Variants in GAS7 observed in about 807,000 individuals in gnomAD.
The protein encoded by GAS7 is growth arrest specific 7.
A neutral mutation model predicts 71.1 loss-of-function variants in GAS7; 28 were observed. The ratio of observed to expected loss-of-function variants is 0.39; its 90% CI spans 0.29 to 0.54. The LOEUF (loss-of-function observed/expected upper bound fraction) is 0.54. GAS7 is among the 20% of genes least tolerant of loss of function. The pLI is 0.62. For synonymous variants in GAS7, 258 were observed against 245.8 expected, an observed-to-expected ratio of 1.05 and a Z score of -0.46; for missense variants, 436 against 627.8, an observed-to-expected ratio of 0.69 and a Z score of 3.27.
At chr17:10,131,900 G>A (rs1412239501) in intron 1 of GAS7, among the ~76,000 whole-genome samples, 1 of 152,060 alleles carries the variant, frequency 6.6e-6, no homozygotes, top group Non-Finnish European at 1.5e-5. Flanking sequence ...ATGAAAACAT[G>A]TAGTCATAAA....
At chr17:10,112,391 G>A (rs2073821702) in intron 1 of GAS7, among the ~76,000 whole-genome samples, 1 of 152,196 alleles carries the variant, frequency 6.6e-6, no homozygotes. Context: ...AGGGCAGATG[G>A]AGATGAGAGA....
intron 7 of GAS7, 91 bp downstream of exon 7, chr17:9,943,030 A>G: frequency 1.3e-6 from 1 of 785,456 alleles, no homozygotes; most frequent in East Asian, 2.4e-5. Flanking sequence ...AGTGTGCAGT[A>G]CTGAGTCCTG....
At chr17:9,917,962 C>T in intron 13 of GAS7, 39 bp downstream of exon 13, 1 of 1,438,224 alleles carries the variant, frequency 7.0e-7, no homozygotes. Flanking sequence ...CTCCCCAGGC[C>T]CCGTGTCGCC....
chr17:9,990,788 G>C (rs979881689), intron 2 of GAS7, among the ~76,000 whole-genome samples: 2 of 152,164 alleles, frequency 1.3e-5, no homozygotes, highest in African/African-American at 4.8e-5. Flanking sequence ...TCAAAGTATG[G>C]TTCCCGGACC....
chr17:10,041,123 C>CAT, intron 1 of GAS7, among the ~76,000 whole-genome samples: 1 of 147,488 alleles, frequency 6.8e-6, no homozygotes, highest in South Asian at 2.1e-4. Context: ...GATCGTGCAG[C>CAT]TGCACTCCGG....
chr17:10,132,641 G>A lies in GAS7; in HGVS notation c.183+65567C>T, dbSNP rs923298083. Among the ~76,000 whole-genome samples the A allele has an allele frequency of 1.4e-4, 21 of 152,142 alleles. 1 individual carries two copies. The highest frequency in any genetic ancestry group is 1.2e-3 in the East Asian group (6 of 5,170). On this transcript the variant is annotated intron_variant, in intron 1 of 13. Coordinates refer to ENST00000432992, the MANE Select transcript of GAS7 (RefSeq NM_201433.2). Reference sequence around the variant, plus strand: ...AAATTATCCGGGTATGGTGGTGCGCGCCTGTAGTCCTAGCTGCTTGGGAGG... The same window carrying A: ...AAATTATCCGGGTATGGTGGTGCGCACCTGTAGTCCTAGCTGCTTGGGAGG...
chr17:9,918,177 G>A (rs1028118321), intron 12 of GAS7, 78 bp from the exon 13 acceptor site: 23 of 936,792 alleles, frequency 2.5e-5, no homozygotes, highest in South Asian at 5.5e-5. Flanking sequence ...ACCACAAAAC[G>A]CAAGTCACTG....
chr17:10,030,934 G>A (rs548789590), intron 1 of GAS7, among the ~76,000 whole-genome samples: 3 of 152,248 alleles, frequency 2.0e-5, no homozygotes, highest in East Asian at 3.9e-4. Flanking sequence ...AACTCCAGTC[G>A]CCATGGAGTG....
chr17:10,037,317 G>A (rs2072772633), intron 1 of GAS7, among the ~76,000 whole-genome samples: 1 of 152,226 alleles, frequency 6.6e-6, no homozygotes, highest in South Asian at 2.1e-4. Context: ...GATCCTTCAT[G>A]AATATATCCT....
intron 1 of GAS7, among the ~76,000 whole-genome samples, chr17:10,096,758 C>A (rs1221680832): frequency 6.6e-6 from 1 of 152,248 alleles, no homozygotes; most frequent in Non-Finnish European, 1.5e-5. Context: ...GAGCTGCCAG[C>A]TTCCAACGTG....
chr17:10,114,902 G>A (rs1474330108), intron 1 of GAS7, among the ~76,000 whole-genome samples: 1 of 152,212 alleles, frequency 6.6e-6, no homozygotes, highest in Non-Finnish European at 1.5e-5. Flanking sequence ...AAACTGGCAT[G>A]AGAATGATTC....
intron 1 of GAS7, among the ~76,000 whole-genome samples, chr17:10,135,103 T>A (rs2074028228): frequency 6.6e-6 from 1 of 152,136 alleles, no homozygotes; most frequent in Non-Finnish European, 1.5e-5. Context: ...AGTGCTAGGA[T>A]TACAGGTGTG....
At chr17:10,088,032 C>G (rs1412425230) in intron 1 of GAS7, among the ~76,000 whole-genome samples, 1 of 151,872 alleles carries the variant, frequency 6.6e-6, no homozygotes, top group Non-Finnish European at 1.5e-5. Context: ...TGCAGCCTGG[C>G]CAACATGGTG....
At position 9,959,073 on chromosome 17, in the gene GAS7, G is replaced by T; in HGVS notation, c.525+129C>A. 1.5e-6 allele frequency: 2 copies of T among 1,340,328 alleles called. No individual in the cohort carries two copies. The highest frequency in any genetic ancestry group is 2.0e-6 in the Non-Finnish European group (2 of 1,004,304). 83.0% of individuals were successfully genotyped at this position (1,340,328 alleles called of 1,614,324 possible). On this transcript the variant is annotated intron_variant, in intron 5 of 13. Coordinates refer to ENST00000432992, the MANE Select transcript of GAS7 (RefSeq NM_201433.2). This position sits in a 1 kb window ranked among gnomAD's most constrained non-coding sequence, Gnocchi z 5.0. ...GATGGGGAACTTGAGTGAAATCCGA[G>T]CTTTGGAACTTCCCCGTTTCCAGGT...
At chr17:10,138,377 G>A (rs544319754) in intron 1 of GAS7, among the ~76,000 whole-genome samples, 7 of 152,244 alleles carry the variant, frequency 4.6e-5, no homozygotes, top group South Asian at 4.1e-4. Flanking sequence ...CATAACTATC[G>A]CCATTTTACA....
At chr17:10,044,916 T>C (rs2072926812) in intron 1 of GAS7, among the ~76,000 whole-genome samples, 1 of 151,846 alleles carries the variant, frequency 6.6e-6, no homozygotes, top group Non-Finnish European at 1.5e-5. Flanking sequence ...TAGCTGGGCA[T>C]GGTGGTGGGC....
chr17:9,977,076 G>T (rs1378530914), intron 3 of GAS7, among the ~76,000 whole-genome samples: 1 of 152,176 alleles, frequency 6.6e-6, no homozygotes, highest in Non-Finnish European at 1.5e-5. Flanking sequence ...CAATTTCATG[G>T]TTTTGACAAA....
chr17:9,918,733 A>G (rs939299014), intron 12 of GAS7, among the ~76,000 whole-genome samples: 2 of 152,104 alleles, frequency 1.3e-5, no homozygotes, highest in African/African-American at 4.8e-5. Flanking sequence ...GTCAAAGGGG[A>G]GCGTGGAAAG....
intron 8 of GAS7, among the ~76,000 whole-genome samples, chr17:9,935,142 TG>T (rs775203016): frequency 3.3e-5 from 5 of 152,198 alleles, no homozygotes; most frequent in African/African-American, 4.8e-5. Flanking sequence ...ATGGACTGTG[TG>T]GGTCTAGTGA....
Sources: gnomAD v4.1 joint callset for allele counts (sites outside exome capture counted in the v4.1 genomes callset) on GRCh38, gnomAD v4.1.1 for gene constraint, Gnocchi (gnomAD v3.1) non-coding constraint, MANE v1.5 for transcripts, NCBI Gene and HGNC (gene_info 2026-07-23, HGNC 2026-07-21) for gene names.